The following OLFM4 variants were observed in gnomAD, a reference collection of about 807,000 sequenced individuals.
The protein encoded by OLFM4 is olfactomedin 4.
Under a neutral mutation model 25.5 loss-of-function variants are expected in OLFM4, and 22 were observed. That is an observed-to-expected ratio of 0.86 (90% CI 0.62 to 1.23). The LOEUF (loss-of-function observed/expected upper bound fraction) is 1.23, where lower values mean the gene tolerates loss of function less well. OLFM4 is among the 50% of genes most tolerant of loss of function. The pLI is 0.00. For synonymous variants in OLFM4, 255 were observed against 237.7 expected (o/e 1.07, Z -0.67); for missense variants, 594 against 619.4 (o/e 0.96, Z 0.44).
intron 2 of OLFM4, among the ~76,000 whole-genome samples, chr13:53,039,113 T>A (rs1954674497): frequency 6.6e-6 from 1 of 152,216 alleles, no homozygotes; most frequent in African/African-American, 2.4e-5. Context: ...CCACATTTTA[T>A]TTAGCAGAGA....
intron 1 of OLFM4, among the ~76,000 whole-genome samples, chr13:53,031,509 C>A (rs928808997): frequency 2.6e-5 from 4 of 152,192 alleles, no homozygotes; most frequent in Non-Finnish European, 4.4e-5. Flanking sequence ...ACGTCTCCCT[C>A]CTGAGGAGGG....
Position 53,050,742 on chromosome 13 carries a change from G to A in OLFM4, c.1504G>A (p.Asp502Asn). 1 of 1,603,378 alleles carries A rather than the reference G, an allele frequency of 6.2e-7. No individual in the cohort carries two copies. The highest frequency in any genetic ancestry group is 1.1e-5 in the South Asian group (1 of 88,776). Residue 502 changes from aspartate to asparagine, a missense_variant, in exon 5 of 5, where the codon GAT becomes AAT. By Grantham distance (23) the Asp-to-Asn change is conservative. Coordinates refer to ENST00000219022, the MANE Select transcript of OLFM4 (RefSeq NM_006418.5). ...TAACGATGGTTACCTTCTGAATTATGATCTTTCTGTCTTGCAGAAGCCCCA... is the reference window on the plus strand; with the variant it reads ...TAACGATGGTTACCTTCTGAATTATAATCTTTCTGTCTTGCAGAAGCCCCA... ...VYNDGYLLNY[D>N]LSVLQKPQ
In OLFM4 at chr13:53,050,477, C is replaced by G. The variant is rs1954741377; in HGVS notation, c.1239C>G (p.Thr413=). 6.2e-7 allele frequency: 1 copy of G among 1,613,888 alleles called. No homozygotes were observed. The highest frequency in any genetic ancestry group is 1.3e-5 in the African/African-American group (1 of 74,888). ...GNMVISKLND[T]TLQVLNTWYT... is the part of the protein sequence containing the mutation. ...TGGTGATTAGTAAACTCAATGACAC[C>G]ACACTTCAGGTGCTAAACACTTGGT... The change falls in exon 5 of 5, where the codon ACC becomes ACG. Residue 413 remains threonine, a synonymous_variant. Coordinates refer to ENST00000219022, the MANE Select transcript of OLFM4 (RefSeq NM_006418.5).
Position 53,037,094 on chromosome 13 carries a change from C to T in OLFM4, c.357+2594C>T, listed in dbSNP as rs186010595. On this transcript the variant is annotated intron_variant, in intron 2 of 4. Transcript: ENST00000219022. Reference sequence around the variant, plus strand: ...GTTGCCTTGAAAATTGTCATTTATCCGGGGGCCTGGGAGAATGCCCGTTTA... The same window carrying T: ...GTTGCCTTGAAAATTGTCATTTATCTGGGGGCCTGGGAGAATGCCCGTTTA... Among the ~76,000 whole-genome samples the T allele has an allele frequency of 1.0e-3, 157 of 152,242 alleles. 1 individual carries two copies. The highest frequency in any genetic ancestry group is 2.0e-3 in the Admixed American group (31 of 15,292).
intron 2 of OLFM4, among the ~76,000 whole-genome samples, chr13:53,040,566 C>G (rs528317536): frequency 6.6e-6 from 1 of 152,186 alleles, no homozygotes; most frequent in Admixed American, 6.5e-5. Context: ...TGGTGTTGGC[C>G]GTGGCAACGA....
rs764961145 is a variant in OLFM4, at chr13:53,041,914, G to A, written c.362G>A (p.Arg121Lys). ...AACCTTTTGATTTTCTTTCAGGTGA[G>A]GGAATATGTCCAATTAATTAGTGTG... ...QKFEKELSKV[R>K]EYVQLISVYE... Residue 121 changes from arginine to lysine, a missense_variant, in exon 3 of 5, where the codon AGG (arginine) becomes AAG (lysine). Coordinates refer to ENST00000219022, the MANE Select transcript of OLFM4 (RefSeq NM_006418.5). 4 of 1,612,362 alleles carry A rather than the reference G, an allele frequency of 2.5e-6. No individual in the cohort carries two copies. Among genetic ancestry groups the A allele is most frequent in the Non-Finnish European group, 3.4e-6 (4 of 1,178,546 alleles).
Position 53,042,141 on chromosome 13 carries a change from T to C in OLFM4, c.570+19T>C, listed in dbSNP as rs746274333. 5.0e-6 allele frequency: 8 copies of C among 1,601,004 alleles called. No homozygotes were observed. The highest frequency in any genetic ancestry group is 6.0e-6 in the Non-Finnish European group (7 of 1,168,906). ...GGTGGAGGTAAGGAGTGAACTCACT[T>C]CTTGGTAAATTAATAATAAACTCCC... is the stretch of plus-strand genomic sequence containing the variant. On this transcript the variant is annotated intron_variant, in intron 3 of 4. Transcript: ENST00000219022.
rs1202632788 is a variant in OLFM4, at chr13:53,029,041, G to T, written c.204+1G>T. The T allele has an allele frequency of 6.2e-7, 1 of 1,613,962 alleles. No homozygotes were observed. Among genetic ancestry groups the T allele is most frequent in the East Asian group, 2.2e-5 (1 of 44,886 alleles). On this transcript the variant is annotated splice_donor_variant, in intron 1 of 4. Transcript: ENST00000219022. LOFTEE classifies it high-confidence loss of function. ...AGGCAGCGGAGGTTCTGTGTCCCAG[G>T]TGAGGAGGCCCCAGAATCTGAATGA... is the stretch of plus-strand genomic sequence containing the variant.
In OLFM4 at chr13:53,028,919, C is replaced by A. The variant is rs775547657; in HGVS notation, c.83C>A (p.Pro28Gln). 1.2e-6 allele frequency: 2 copies of A among 1,614,216 alleles called. No individual in the cohort carries two copies. The highest frequency in any genetic ancestry group is 1.1e-5 in the South Asian group (1 of 91,082). Reference sequence around the variant, plus strand: ...GGGGATTTGGGGGATGTGGGACCTCCAATTCCCAGCCCCGGCTTCAGCTCT... The same window carrying A: ...GGGGATTTGGGGGATGTGGGACCTCAAATTCCCAGCCCCGGCTTCAGCTCT... ...AAGDLGDVGP[P>Q]IPSPGFSSFP... Residue 28 changes from proline to glutamine, a missense_variant, in exon 1 of 5, where the codon CCA (proline) becomes CAA (glutamine). Pro to Gln is a moderately conservative substitution (Grantham distance 76). Coordinates refer to ENST00000219022, the MANE Select transcript of OLFM4 (RefSeq NM_006418.5).
intron 2 of OLFM4, among the ~76,000 whole-genome samples, chr13:53,035,660 T>C (rs1954654675): frequency 6.6e-6 from 1 of 152,208 alleles, no homozygotes; most frequent in Non-Finnish European, 1.5e-5. Flanking sequence ...AGCAGGAACA[T>C]TACATTTGAT....
chr13:53,040,839 G>T (rs1049117111), intron 2 of OLFM4, among the ~76,000 whole-genome samples: 2 of 152,160 alleles, frequency 1.3e-5, no homozygotes, highest in African/African-American at 4.8e-5. Context: ...GGGAGTTAAT[G>T]TCTTCAAACA....
intron 2 of OLFM4, among the ~76,000 whole-genome samples, chr13:53,039,196 G>A (rs3803259): frequency 6.6e-6 from 1 of 152,058 alleles, no homozygotes; most frequent in African/African-American, 2.4e-5. Flanking sequence ...AGAAGCTGAG[G>A]GTGTTTCATT....
At chr13:53,045,671 C>T (rs543146071) in intron 4 of OLFM4, among the ~76,000 whole-genome samples, 1 of 152,310 alleles carries the variant, frequency 6.6e-6, no homozygotes, top group South Asian at 2.1e-4. Flanking sequence ...ACTCTGCGCT[C>T]TCTGGGCCCC....
At chr13:53,048,599 G>A (rs1249672399) in intron 4 of OLFM4, among the ~76,000 whole-genome samples, 2 of 152,156 alleles carry the variant, frequency 1.3e-5, no homozygotes, top group South Asian at 2.1e-4. Context: ...ATTGGACACA[G>A]CAGAGACCCA....
At position 53,029,007 on chromosome 13, in the gene OLFM4, C is replaced by T. The variant is rs770260275; in HGVS notation, c.171C>T (p.Ser57=). 20 of 1,614,068 alleles carry T rather than the reference C, an allele frequency of 1.2e-5. No homozygotes were observed. Among genetic ancestry groups the T allele is most frequent in the Non-Finnish European group, 1.6e-5 (19 of 1,180,042 alleles). Reference sequence around the variant, plus strand: ...GCTCCAGGTCGGGCTCCAGCTCCAGCCGCAGCTTAGGCAGCGGAGGTTCTG... The same window carrying T: ...GCTCCAGGTCGGGCTCCAGCTCCAGTCGCAGCTTAGGCAGCGGAGGTTCTG... The part of the protein sequence containing the change: ...SSSSRSGSSS[S]RSLGSGGSVS... The change falls in exon 1 of 5, where the codon AGC becomes AGT. Residue 57 remains serine, a synonymous_variant. Coordinates refer to ENST00000219022, the MANE Select transcript of OLFM4 (RefSeq NM_006418.5).
rs113081478 is a variant in OLFM4 at position 53,050,559 on chromosome 13, T to C, written c.1321T>C (p.Tyr441His). 19 of 1,613,868 alleles carry C rather than the reference T, an allele frequency of 1.2e-5. No homozygotes were observed. The Admixed American group carries it at 2.8e-4, about 24-fold the overall frequency. ...CGCCTTCATGGTATGTGGGGTTCTG[T>C]ATGCCACCCGTACTATGAACACCAG... is the stretch of plus-strand genomic sequence containing the variant. ...SNAFMVCGVLYATRTMNTRTE... is the reference protein window; with the variant it reads ...SNAFMVCGVLHATRTMNTRTE... The change falls in exon 5 of 5, where the codon TAT (tyrosine) becomes CAT (histidine). Residue 441 changes from tyrosine to histidine, a missense_variant. Coordinates refer to ENST00000219022, the MANE Select transcript of OLFM4 (RefSeq NM_006418.5).
chr13:53,044,319 C>T (rs1220297568), intron 4 of OLFM4, among the ~76,000 whole-genome samples: 1 of 152,170 alleles, frequency 6.6e-6, no homozygotes, highest in African/African-American at 2.4e-5. Context: ...TTAGAGATAT[C>T]AATGACACAG....
chr13:53,040,574 C>A (rs77261791), intron 2 of OLFM4, among the ~76,000 whole-genome samples: 2 of 152,156 alleles, frequency 1.3e-5, no homozygotes, highest in Non-Finnish European at 2.9e-5. Context: ...GCCGTGGCAA[C>A]GATTTTGTCC....
At chr13:53,047,604 C>T (rs564520187) in intron 4 of OLFM4, among the ~76,000 whole-genome samples, 3 of 152,134 alleles carry the variant, frequency 2.0e-5, no homozygotes, top group South Asian at 2.1e-4. Flanking sequence ...GTGAGAAAAA[C>T]AAAGTTTCAT....
Sources: allele counts gnomAD v4.1 joint callset (sites outside exome capture counted in the v4.1 genomes callset), GRCh38; gene constraint gnomAD v4.1.1; transcripts MANE v1.5; gene names NCBI Gene and HGNC (gene_info 2026-07-23, HGNC 2026-07-21).